Variants in ASCC1 observed in about 807,000 individuals in gnomAD.
ASCC1 encodes activating signal cointegrator 1 complex subunit 1, also known as ASC-1 complex subunit P50.
In ASCC1, 35 loss-of-function variants were observed where a neutral mutation model predicts 46.6. That is an observed-to-expected ratio of 0.75 (90% CI 0.57 to 0.99). ASCC1 has a LOEUF of 0.99. Among genes scored for constraint, ASCC1 ranks in the 50% least tolerant of loss-of-function variants. The pLI, the probability that ASCC1 is intolerant of heterozygous loss-of-function variation, is 0.00. For missense variants in ASCC1, 376 were observed against 428.7 expected (o/e 0.88, Z 1.09); for synonymous variants, 143 against 146.6 (o/e 0.98, Z 0.18).
In ASCC1 at chr10:72,195,139, G is replaced by GTTTTTTTT. The variant is rs142672810; in HGVS notation, c.489+1664_489+1671dup. ...TTAGGTTTTGTGTGTTTTTTGCTGT[G>GTTTTTTTT]TTTTTTTTTTTTTTTTTTTTTTTTT... On this transcript the variant is annotated intron_variant, in intron 5 of 9. Coordinates refer to ENST00000672957, the MANE Select transcript of ASCC1 (RefSeq NM_001198800.3). Among the ~76,000 whole-genome samples the GTTTTTTTT allele has an allele frequency of 4.8e-4, 29 of 61,034 alleles. 1 individual carries two copies. Among genetic ancestry groups the GTTTTTTTT allele is most frequent in the African/African-American group, 6.5e-4 (10 of 15,284 alleles). The allele number at this position is 61,034 out of a possible 152,430, so 40.0% of individuals were successfully genotyped here.
chr10:72,139,112 TTC>T lies in ASCC1; in HGVS notation c.747-5933_747-5932del, dbSNP rs1271743791. Among the ~76,000 whole-genome samples, 427 of 148,166 alleles carry T rather than the reference TTC, an allele frequency of 2.9e-3. 1 individual carries two copies. The highest frequency in any genetic ancestry group is 0.011 in the African/African-American group (403 of 38,098). On this transcript the variant is annotated intron_variant, in intron 7 of 9. Transcript: ENST00000672957. Reference sequence around the variant, plus strand: ...ATGTCACTATATTTCTTTTTTCTTTTTCTTTTTTTTTTTTTTTTTGAGACGGC... The same window carrying T: ...ATGTCACTATATTTCTTTTTTCTTTTTTTTTTTTTTTTTTTTTGAGACGGC...
intron 9 of ASCC1, among the ~76,000 whole-genome samples, chr10:72,112,774 G>A (rs998677448): frequency 1.3e-5 from 2 of 151,132 alleles, no homozygotes; most frequent in African/African-American, 4.9e-5. Flanking sequence ...AACTACTCAG[G>A]AGGCTGAAGC....
At chr10:72,195,749 G>T (rs886449213) in intron 5 of ASCC1, among the ~76,000 whole-genome samples, 1 of 151,396 alleles carries the variant, frequency 6.6e-6, no homozygotes, top group Non-Finnish European at 1.5e-5. Context: ...TAGGAGAATT[G>T]CTTGAACCCG....
chr10:72,132,731 TAA>T (rs77464863), intron 8 of ASCC1, among the ~76,000 whole-genome samples: 5 of 141,046 alleles, frequency 3.5e-5, no homozygotes, highest in Non-Finnish European at 4.7e-5. Flanking sequence ...TTTTTCTCTT[TAA>T]AAAAAAAAAA....
At chr10:72,205,751 G>A (rs922010543) in intron 3 of ASCC1, among the ~76,000 whole-genome samples, 8 of 151,906 alleles carry the variant, frequency 5.3e-5, no homozygotes, top group African/African-American at 1.2e-4. Context: ...AGCAGAGATC[G>A]CACCACTGCA....
chr10:72,105,737 G>A (rs1409413880), intron 9 of ASCC1, among the ~76,000 whole-genome samples: 1 of 152,096 alleles, frequency 6.6e-6, no homozygotes, highest in African/African-American at 2.4e-5. Flanking sequence ...TTCTGGTAAT[G>A]TTGTGGTATA....
rs750988446 is a variant in ASCC1, at chr10:72,213,174, C to A, written c.112+13G>T. On this transcript the variant is annotated intron_variant, in intron 2 of 9. Transcript: ENST00000672957. The stretch of plus-strand genomic sequence containing the variant: ...TTTTACTTCTTATCTGACCAAAGAG[C>A]AACTAGGATTACCTTGATAGAAGTC... The A allele has an allele frequency of 1.9e-6, 3 of 1,563,694 alleles. No individual in the cohort carries two copies. Among genetic ancestry groups the A allele is most frequent in the Non-Finnish European group, 2.6e-6 (3 of 1,134,840 alleles).
chr10:72,149,633 T>C (rs1301785482), intron 7 of ASCC1, among the ~76,000 whole-genome samples: 1 of 152,136 alleles, frequency 6.6e-6, no homozygotes, highest in African/African-American at 2.4e-5. Flanking sequence ...AGAACTGCCA[T>C]CTTAGATGAT....
chr10:72,203,634 T>C, intron 3 of ASCC1, 110 bp from the exon 4 acceptor site: 3 of 829,770 alleles, frequency 3.6e-6, no homozygotes, highest in Non-Finnish European at 6.1e-6. Flanking sequence ...AGAAAAGTAG[T>C]TCAGTAAAAG....
At chr10:72,191,211 C>T (rs1854430591) in intron 5 of ASCC1, among the ~76,000 whole-genome samples, 2 of 149,254 alleles carry the variant, frequency 1.3e-5, no homozygotes, top group Non-Finnish European at 1.5e-5. Flanking sequence ...GCGCCCGCCA[C>T]CATGCCCAGC....
chr10:72,197,444 G>A (rs1288129969), intron 4 of ASCC1, among the ~76,000 whole-genome samples: 2 of 144,238 alleles, frequency 1.4e-5, no homozygotes. Context: ...CTCCAGCCTG[G>A]GCAATAGAGC....
At chr10:72,172,329 C>A (rs1034850463) in intron 5 of ASCC1, among the ~76,000 whole-genome samples, 1 of 149,476 alleles carries the variant, frequency 6.7e-6, no homozygotes, top group African/African-American at 2.5e-5. Flanking sequence ...GCAGGAAAAT[C>A]GCTTGAACCC....
chr10:72,204,531 CAG>C (rs766402917), intron 3 of ASCC1: 28 of 1,528,574 alleles, frequency 1.8e-5, no homozygotes, highest in Non-Finnish European at 6.2e-6. Flanking sequence ...AGAGAAGTTT[CAG>C]AGTCTATAAA....
intron 3 of ASCC1, among the ~76,000 whole-genome samples, chr10:72,207,140 C>T (rs1214824306): frequency 6.6e-6 from 1 of 152,186 alleles, no homozygotes. Flanking sequence ...AGGCCAGACA[C>T]AGTGGTTCAT....
At chr10:72,147,314 C>T (rs1217284526) in intron 7 of ASCC1, among the ~76,000 whole-genome samples, 1 of 152,022 alleles carries the variant, frequency 6.6e-6, no homozygotes, top group African/African-American at 2.4e-5. Flanking sequence ...AGTGCTGTGT[C>T]ACGATCTTGG....
intron 5 of ASCC1, among the ~76,000 whole-genome samples, chr10:72,193,842 A>AT (rs57489181): frequency 0.01 from 1,472 of 140,952 alleles, 9 homozygotes; most frequent in Middle Eastern, 0.026. Context: ...AATAATACTG[A>AT]TTTTTTTTTT....
chr10:72,140,397 A>C (rs1846822871), intron 7 of ASCC1, among the ~76,000 whole-genome samples: 1 of 152,202 alleles, frequency 6.6e-6, no homozygotes, highest in Non-Finnish European at 1.5e-5. Context: ...ATACTGGAAG[A>C]TCTTGAATGC....
chr10:72,174,156 G>A (rs1195855735), intron 5 of ASCC1, among the ~76,000 whole-genome samples: 1 of 152,120 alleles, frequency 6.6e-6, no homozygotes, highest in Non-Finnish European at 1.5e-5. Context: ...CGAGTTCAAG[G>A]TCATGTCCTG....
intron 9 of ASCC1, among the ~76,000 whole-genome samples, chr10:72,111,701 GT>G (rs1842936203): frequency 6.6e-6 from 1 of 152,026 alleles, no homozygotes; most frequent in Non-Finnish European, 1.5e-5. Flanking sequence ...GAGTGCAATG[GT>G]GCGATCTTGG....
Sources: allele counts gnomAD v4.1 joint callset (sites outside exome capture counted in the v4.1 genomes callset), GRCh38; gene constraint gnomAD v4.1.1; transcripts MANE v1.5; gene names NCBI Gene and HGNC (gene_info 2026-07-23, HGNC 2026-07-21).